PDE2A: variants seen among roughly 807,000 people sequenced by gnomAD.
PDE2A encodes the protein cGMP-dependent 3',5'-cyclic phosphodiesterase.
Under a neutral mutation model 133.6 loss-of-function variants are expected in PDE2A, and 53 were observed. That is an observed-to-expected ratio of 0.40 (90% CI 0.32 to 0.50). The LOEUF (loss-of-function observed/expected upper bound fraction) is 0.50, where lower values mean the gene tolerates loss of function less well. PDE2A is among the 20% of genes least tolerant of loss of function. The pLI, the probability that PDE2A is intolerant of heterozygous loss-of-function variation, is 0.73. For synonymous variants in PDE2A, 491 were observed against 490.2 expected, an observed-to-expected ratio of 1.00 and a Z score of -0.02; for missense variants, 796 against 1,232.4, an observed-to-expected ratio of 0.65 and a Z score of 5.30.
At chr11:72,607,293 C>T (rs765954793) in intron 3 of PDE2A, among the ~76,000 whole-genome samples, 1 of 152,190 alleles carries the variant, frequency 6.6e-6, no homozygotes, top group Non-Finnish European at 1.5e-5. Context: ...GGGCACCCTG[C>T]CTGTGAAACA....
chr11:72,580,217 G>A (rs545922554), intron 25 of PDE2A, among the ~76,000 whole-genome samples: 1 of 152,288 alleles, frequency 6.6e-6, no homozygotes, highest in South Asian at 2.1e-4. Context: ...CCAAGTGCAG[G>A]GAACTCAGAA....
chr11:72,579,223 G>A, intron 27 of PDE2A, 61 bp downstream of exon 27: 7 of 1,317,322 alleles, frequency 5.3e-6, no homozygotes, highest in Non-Finnish European at 7.7e-6. Context: ...ATGCTCCCCT[G>A]GCAAATCCTT....
In PDE2A at chr11:72,577,593, G is replaced by A. The variant is rs1242330765; in HGVS notation, c.2617C>T (p.Leu873=). 3.9e-6 allele frequency: 6 copies of A among 1,547,446 alleles called. No individual in the cohort carries two copies. The highest frequency in any genetic ancestry group is 5.1e-6 in the Non-Finnish European group (6 of 1,165,112). Residue 873 remains leucine, a splice_region_variant and synonymous_variant, in exon 31 of 31, where the codon CTG becomes TTG. Coordinates refer to ENST00000334456, the MANE Select transcript of PDE2A (RefSeq NM_002599.5). ...GCTTTGGGGAACAGGTCCTGCAACA[G>A]CCTGCGGGTGCATGGGGGGCAGAGG... ...MEHIAMPIYK[L]LQDLFPKAAE...
At chr11:72,612,994 C>T (rs1361969105) in intron 2 of PDE2A, among the ~76,000 whole-genome samples, 1 of 152,192 alleles carries the variant, frequency 6.6e-6, no homozygotes, top group Non-Finnish European at 1.5e-5. Flanking sequence ...ACTTCTAACT[C>T]GTTCTTAAAG....
chr11:72,617,743 C>T (rs886765249), intron 2 of PDE2A, among the ~76,000 whole-genome samples: 5 of 152,196 alleles, frequency 3.3e-5, no homozygotes, highest in Non-Finnish European at 7.4e-5. Flanking sequence ...GCAGGGCTGG[C>T]TGGGGAAGCC....
chr11:72,659,269 C>G (rs1461594902), intron 1 of PDE2A: 1 of 149,050 alleles, frequency 6.7e-6, no homozygotes, highest in Non-Finnish European at 1.5e-5. Context: ...TGTTGCCGTC[C>G]CAGTTCTCAA....
chr11:72,617,068 C>A (rs1190418869), intron 2 of PDE2A, among the ~76,000 whole-genome samples: 7 of 152,248 alleles, frequency 4.6e-5, no homozygotes, highest in Admixed American at 4.6e-4. Flanking sequence ...CACTAGGACA[C>A]CTTGTCCCAG....
intron 2 of PDE2A, among the ~76,000 whole-genome samples, chr11:72,633,033 AC>A: frequency 6.6e-6 from 1 of 151,156 alleles, no homozygotes; most frequent in East Asian, 1.9e-4. Flanking sequence ...AGGCCAGCTC[AC>A]CCCTCCTGGA....
At chr11:72,635,243 G>T (rs911716403) in intron 2 of PDE2A, among the ~76,000 whole-genome samples, 1 of 152,162 alleles carries the variant, frequency 6.6e-6, no homozygotes, top group Non-Finnish European at 1.5e-5. Flanking sequence ...GGTTGAAAAG[G>T]TCTCTATTCT....
intron 13 of PDE2A, among the ~76,000 whole-genome samples, chr11:72,586,945 T>C (rs1856003386): frequency 6.6e-6 from 1 of 152,234 alleles, no homozygotes; most frequent in Non-Finnish European, 1.5e-5. Context: ...ATCCTGGGTC[T>C]GTCTGCACAC....
At position 72,585,353 on chromosome 11, in the gene PDE2A, C is replaced by G; in HGVS notation, c.1286+18G>C. 6.2e-7 allele frequency: 1 copy of G among 1,610,654 alleles called. No homozygotes were observed. Among genetic ancestry groups the G allele is most frequent in the South Asian group, 1.1e-5 (1 of 90,930 alleles). ...GCCACAGCCTCTCTCGCCCTGTCCC[C>G]TGGGTAGAGTCACTCACATCTCTGC... On this transcript the variant is annotated intron_variant, in intron 16 of 30. Transcript: ENST00000334456.
rs1162570796 is a variant in PDE2A at position 72,585,444 on chromosome 11, G to A, written c.1223-10C>T. The A allele has an allele frequency of 1.2e-6, 2 of 1,613,950 alleles. No homozygotes were observed. The highest frequency in any genetic ancestry group is 3.3e-5 in the Admixed American group (2 of 60,006). ...AGGACAGAGACGTCATCTGGGGAAGGGAGAAGACCAGGCAGGGTGAGACCA... is the reference window on the plus strand; with the variant it reads ...AGGACAGAGACGTCATCTGGGGAAGAGAGAAGACCAGGCAGGGTGAGACCA... On this transcript the variant is annotated splice_polypyrimidine_tract_variant and intron_variant, in intron 15 of 30. Transcript: ENST00000334456.
At chr11:72,595,544 C>T (rs1856441929) in intron 6 of PDE2A, among the ~76,000 whole-genome samples, 1 of 152,022 alleles carries the variant, frequency 6.6e-6, no homozygotes, top group African/African-American at 2.4e-5. Context: ...CCCTCTCAGC[C>T]ATCCCTGACT....
intron 2 of PDE2A, among the ~76,000 whole-genome samples, chr11:72,625,721 C>T (rs958957923): frequency 6.6e-6 from 1 of 152,170 alleles, no homozygotes; most frequent in African/African-American, 2.4e-5. Flanking sequence ...TCAGCCAGCA[C>T]TCAAATTCAG....
Position 72,597,467 on chromosome 11 carries a change from T to C in PDE2A, c.433+43A>G. The C allele has an allele frequency of 8.9e-7, 1 of 1,123,160 alleles. No homozygotes were observed. The highest frequency in any genetic ancestry group is 1.3e-6 in the Non-Finnish European group (1 of 750,248). 69.6% of individuals were successfully genotyped at this position (1,123,160 alleles called of 1,614,324 possible). A position where few individuals can be genotyped will look rare whatever the true frequency, so the allele number is the denominator to read the frequency against. ...CCTGGAGTGCAGGGGCCACAGTCCC[T>C]CCCTGCCCCTGCCCCTGCCCCTGCC... On this transcript the variant is annotated intron_variant, in intron 5 of 30. Transcript: ENST00000334456. The surrounding 1 kb of genome is among the most constrained non-coding windows in gnomAD (Gnocchi z 4.6).
chr11:72,666,853 C>A (rs943581240), intron 1 of PDE2A, among the ~76,000 whole-genome samples: 3 of 152,204 alleles, frequency 2.0e-5, no homozygotes, highest in African/African-American at 7.2e-5. Context: ...TGCCTGTAAT[C>A]CCAGTACTTT....
intron 1 of PDE2A, among the ~76,000 whole-genome samples, chr11:72,649,692 C>T (rs1347945020): frequency 6.6e-6 from 1 of 152,192 alleles, no homozygotes; most frequent in Non-Finnish European, 1.5e-5. Context: ...ACCCTGCTTG[C>T]ACACTCCCAG....
intron 2 of PDE2A, among the ~76,000 whole-genome samples, chr11:72,627,127 C>T (rs1418119669): frequency 5.9e-5 from 9 of 152,206 alleles, no homozygotes; most frequent in Admixed American, 5.9e-4. Flanking sequence ...TGGAACTACT[C>T]CAGCCCTACT....
chr11:72,647,306 C>A (rs1859154469), intron 1 of PDE2A, among the ~76,000 whole-genome samples: 1 of 152,258 alleles, frequency 6.6e-6, no homozygotes, highest in Admixed American at 6.5e-5. Flanking sequence ...CTAGCCCTTC[C>A]CTGACATGCT....
Sources: allele counts gnomAD v4.1 joint callset (sites outside exome capture counted in the v4.1 genomes callset), GRCh38; gene constraint gnomAD v4.1.1; non-coding constraint Gnocchi (gnomAD v3.1); transcripts MANE v1.5; gene names NCBI Gene and HGNC (gene_info 2026-07-23, HGNC 2026-07-21).